Variants in NHSL2 observed in about 807,000 individuals in gnomAD.
The protein encoded by NHSL2 is NHS like 2, also known as NHS-like protein 2.
Under a neutral mutation model 53.4 loss-of-function variants are expected in NHSL2, and 27 were observed. The observed-to-expected ratio is 0.51, with a 90% CI of 0.37 to 0.70. The LOEUF is 0.70. NHSL2 is among the 30% of genes least tolerant of loss of function. The probability of loss-of-function intolerance (pLI) is 0.00; values close to 1 mark genes in which losing one functional copy is unlikely to be tolerated. For missense variants in NHSL2, 892 were observed against 980.1 expected (o/e 0.91, Z 1.20); for synonymous variants, 408 against 404.1 (o/e 1.01, Z -0.12).
Position 72,140,780 on chromosome X carries a change from A to G in NHSL2, c.3223+9A>G, listed in dbSNP as rs987855751. The G allele has an allele frequency of 2.1e-5, 24 of 1,151,711 alleles. No individual in the cohort carries two copies. The highest frequency in any genetic ancestry group is 2.8e-5 in the Non-Finnish European group (24 of 863,697). The allele number at this position is 1,151,711 out of a possible 1,213,427, so 94.9% of individuals were successfully genotyped here. On this transcript the variant is annotated intron_variant, in intron 6 of 7. Coordinates refer to ENST00000633930, the MANE Select transcript of NHSL2 (RefSeq NM_001013627.3). ...GGAGGCAAGCCCTCTGGGTTAGTAAACTGTCTGCTGGCTTTTTCCTTCAGT... is the reference window on the plus strand; with the variant it reads ...GGAGGCAAGCCCTCTGGGTTAGTAAGCTGTCTGCTGGCTTTTTCCTTCAGT...
At chrX:72,129,683 G>T (rs1042133244) in intron 1 of NHSL2, 1 of 576,655 alleles carries the variant, frequency 1.7e-6, no homozygotes, top group Non-Finnish European at 2.7e-6. Context: ...TTGCAAGATG[G>T]TCTGGAATTC....
chrX:72,056,129 A>T (rs1297027072), intron 1 of NHSL2, among the ~76,000 whole-genome samples: 1 of 111,857 alleles, frequency 8.9e-6, no homozygotes, highest in Non-Finnish European at 1.9e-5. Flanking sequence ...ACATTTTCCC[A>T]TGTAAATCAG....
chrX:72,058,433 C>T (rs2042381204), intron 1 of NHSL2, among the ~76,000 whole-genome samples: 1 of 111,535 alleles, frequency 9.0e-6, no homozygotes, highest in African/African-American at 3.3e-5. Context: ...CAACCTCCGC[C>T]TTCCCGATTC....
chrX:72,058,544 C>T (rs1276321133), intron 1 of NHSL2, among the ~76,000 whole-genome samples: 1 of 111,804 alleles, frequency 8.9e-6, no homozygotes, highest in Non-Finnish European at 1.9e-5. Context: ...GGGGTTTCCC[C>T]TTGTTGGCCA....
At chrX:71,988,498 G>A (rs2042012762) in intron 1 of NHSL2, among the ~76,000 whole-genome samples, 1 of 111,189 alleles carries the variant, frequency 9.0e-6, no homozygotes, top group African/African-American at 3.3e-5. Context: ...TCCTAAGTTG[G>A]GCTTCTAACC....
intron 1 of NHSL2, among the ~76,000 whole-genome samples, chrX:71,916,965 G>A (rs1027485821): frequency 2.7e-5 from 3 of 111,545 alleles, no homozygotes; most frequent in African/African-American, 6.5e-5. Context: ...GTTGGGAATC[G>A]CTGGCCTTCC....
rs1379550462 is a variant in NHSL2 at position 71,911,134 on chromosome X, G to A, written c.47G>A (p.Arg16His). ...GTGGTACCCCAGCGCCTGTGCCCGC[G>A]CAACCCGCCGCAGCAGCTGGCGGAG... ...RTVVPQRLCP[R>H]NPPQQLAELR... The change falls in exon 1 of 8, where the codon CGC becomes CAC. Residue 16 changes from arginine to histidine, a missense_variant. Physicochemically the swap from Arg to His is conservative, Grantham distance 29. Coordinates refer to ENST00000633930, the MANE Select transcript of NHSL2 (RefSeq NM_001013627.3). 9.0e-6 allele frequency: 10 copies of A among 1,110,670 alleles called. No individual in the cohort carries two copies. The highest frequency in any genetic ancestry group is 7.6e-5 in the African/African-American group (4 of 52,831). 91.5% of individuals were successfully genotyped at this position (1,110,670 alleles called of 1,213,427 possible). A position where few individuals can be genotyped will look rare whatever the true frequency, so the allele number is the denominator to read the frequency against.
chrX:71,942,751 G>A (rs1235885176), intron 1 of NHSL2, among the ~76,000 whole-genome samples: 1 of 111,811 alleles, frequency 8.9e-6, no homozygotes, highest in Non-Finnish European at 1.9e-5. Context: ...TGAGGTTTGG[G>A]AAAGAGTGGT....
At chrX:72,026,378 C>T (rs1210873010) in intron 1 of NHSL2, among the ~76,000 whole-genome samples, 1 of 112,251 alleles carries the variant, frequency 8.9e-6, no homozygotes, top group East Asian at 2.8e-4. Flanking sequence ...AGGAAAAGGG[C>T]CTGTGTGCTG....
intron 1 of NHSL2, among the ~76,000 whole-genome samples, chrX:72,016,914 C>T (rs896093039): frequency 8.9e-6 from 1 of 111,967 alleles, no homozygotes; most frequent in African/African-American, 3.3e-5. Context: ...GAAGAGTGGA[C>T]CAAGTAGAGA....
Position 72,130,460 on chromosome X carries a change from C to T in NHSL2, c.281-1619C>T, listed in dbSNP as rs749231105. Reference sequence around the variant, plus strand: ...AAAGCCCTCATGCGCTTCCTCTGGTCCTTGGAGTGAAGCCTGTGCCTGCGT... The same window carrying T: ...AAAGCCCTCATGCGCTTCCTCTGGTTCTTGGAGTGAAGCCTGTGCCTGCGT... On this transcript the variant is annotated intron_variant, in intron 1 of 7. Transcript: ENST00000633930. The T allele has an allele frequency of 3.3e-6, 4 of 1,210,366 alleles. No individual in the cohort carries two copies. In the South Asian group the frequency reaches 5.3e-5, roughly 16 times the overall value.
intron 1 of NHSL2, among the ~76,000 whole-genome samples, chrX:72,080,502 G>A (rs2041781756): frequency 9.0e-6 from 1 of 110,504 alleles, no homozygotes; most frequent in South Asian, 3.9e-4. Context: ...CAGGGTGGAT[G>A]TGATCACATC....
intron 1 of NHSL2, among the ~76,000 whole-genome samples, chrX:72,085,680 T>C (rs1168183125): frequency 9.1e-6 from 1 of 109,496 alleles, no homozygotes; most frequent in Non-Finnish European, 1.9e-5. Context: ...TTCTGTATGA[T>C]CACTGCTCTA....
rs1418316583 is a variant in NHSL2 at position 72,134,210 on chromosome X, A to G, written c.556A>G (p.Ile186Val). Residue 186 changes from isoleucine (I) to valine (V), a missense_variant, in exon 3 of 8, where the codon ATA becomes GTA. By Grantham distance (29) the Ile-to-Val change is conservative. Transcript: ENST00000633930. The part of the protein sequence containing the change: ...RPQSARRLEF[I>V]LMPTKRQLSE... ...CCAGTCTGCCAGGCGTCTGGAGTTTATATTGATGGTGAGTTGCCTCATCCC... is the reference window on the plus strand; with the variant it reads ...CCAGTCTGCCAGGCGTCTGGAGTTTGTATTGATGGTGAGTTGCCTCATCCC... The G allele has an allele frequency of 8.6e-7, 1 of 1,164,837 alleles. No homozygotes were observed.
At chrX:72,135,048 C>T (rs1211965960) in intron 4 of NHSL2, among the ~76,000 whole-genome samples, 3 of 112,237 alleles carry the variant, frequency 2.7e-5, no homozygotes, top group Non-Finnish European at 3.8e-5. Context: ...CAGGGCAAGA[C>T]AACTTCTTGT....
intron 1 of NHSL2, among the ~76,000 whole-genome samples, chrX:72,108,294 A>G (rs2042062472): frequency 8.9e-6 from 1 of 112,552 alleles, no homozygotes; most frequent in Non-Finnish European, 1.9e-5. Context: ...CCCCAGCCTC[A>G]AAGTCAAAGA....
At chrX:72,115,846 C>T (rs1407209796) in intron 1 of NHSL2, among the ~76,000 whole-genome samples, 1 of 111,319 alleles carries the variant, frequency 9.0e-6, no homozygotes. Flanking sequence ...CAGTGATTCT[C>T]AAAATATGAT....
chrX:72,080,416 G>T (rs6624592), intron 1 of NHSL2: 15,340 of 110,930 alleles, frequency 0.14, 1,270 homozygotes, highest in East Asian at 0.38. Flanking sequence ...CGTTCTAGAG[G>T]TGTGCACAGA....
At position 72,087,047 on chromosome X, in the gene NHSL2, T is replaced by TG. The variant is rs916156464; in HGVS notation, c.281-45026dup. ...GGCTGGGCTGGGGGTCATCCCAGCC[T>TG]GGGGGGTCTGACCTGCAGTGAGACA... On this transcript the variant is annotated intron_variant, in intron 1 of 7. Transcript: ENST00000633930. Among the ~76,000 whole-genome samples, 8 of 111,743 alleles carry TG rather than the reference T, an allele frequency of 7.2e-5. No individual in the cohort carries two copies. In the East Asian group the frequency reaches 2.2e-3, roughly 31 times the overall value.
Sources: gnomAD v4.1 joint callset for allele counts (sites outside exome capture counted in the v4.1 genomes callset) on GRCh38, gnomAD v4.1.1 for gene constraint, MANE v1.5 for transcripts, NCBI Gene and HGNC (gene_info 2026-07-23, HGNC 2026-07-21) for gene names.